Variants in PHIP observed in about 807,000 individuals in gnomAD.
PHIP encodes PHIP subunit of CUL4-Ring ligase complex.
In PHIP, 54 loss-of-function variants were observed where a neutral mutation model predicts 236.8. That is an observed-to-expected ratio of 0.23 (90% CI 0.18 to 0.29). The LOEUF is 0.29. Ranked by LOEUF, PHIP falls within the 10% of genes least tolerant of loss-of-function variation. PHIP has a pLI of 1.00. For missense variants in PHIP, 1,370 were observed against 2,190.8 expected, an observed-to-expected ratio of 0.63 and a Z score of 7.48; for synonymous variants, 756 against 718.9, an observed-to-expected ratio of 1.05 and a Z score of -0.83.
Position 78,939,015 on chromosome 6 carries a change from T to C in PHIP, c.*1678A>G, listed in dbSNP as rs1034477855. The stretch of plus-strand genomic sequence containing the variant: ...CCATCCTCACTTTTTAAAAATGTAG[T>C]ATCTGAAAATTTTGATTACATTTTT... On this transcript the variant is annotated 3_prime_UTR_variant, in exon 40 of 40. Coordinates refer to ENST00000275034, the MANE Select transcript of PHIP (RefSeq NM_017934.7). 4 of 151,774 alleles carry C rather than the reference T, an allele frequency of 2.6e-5. No individual in the cohort carries two copies. The highest frequency in any genetic ancestry group is 1.3e-4 in the Admixed American group (2 of 15,242). The allele number at this position is 151,774 out of a possible 1,614,324, so 9.4% of individuals were successfully genotyped here.
rs562581179 is a variant in PHIP at position 79,077,837 on chromosome 6, C to T, written c.99+18G>A. ...GAGCGGCGAGCGCCGGCCCGGCCCGCGCCGCGCGCCGCCGTACCTGAGCCG... is the reference window on the plus strand; with the variant it reads ...GAGCGGCGAGCGCCGGCCCGGCCCGTGCCGCGCGCCGCCGTACCTGAGCCG... On this transcript the variant is annotated intron_variant, in intron 2 of 39. Transcript: ENST00000275034. 97 of 1,435,206 alleles carry T rather than the reference C, an allele frequency of 6.8e-5. 2 individuals carry two copies. In the South Asian group the frequency reaches 1.2e-3, roughly 18 times the overall value. 88.9% of individuals were successfully genotyped at this position (1,435,206 alleles called of 1,614,324 possible).
rs78962441 is a variant in PHIP at position 79,035,839 on chromosome 6, T to C, written c.600+7004A>G. On this transcript the variant is annotated intron_variant, in intron 7 of 39. Transcript: ENST00000275034. ...TTTCTAGGTCATTTATTTTCTTTCT[T>C]ACCAATCTATCAGACCTGTGTTTCA... is the stretch of plus-strand genomic sequence containing the variant. Among the ~76,000 whole-genome samples the C allele has an allele frequency of 0.02, 3,101 of 152,320 alleles. 475 individuals are homozygous for C. In the East Asian group the frequency reaches 0.41, roughly 20 times the overall value.
At chr6:78,947,470 T>C (rs186723901) in intron 36 of PHIP, among the ~76,000 whole-genome samples, 153 bp downstream of exon 36, 27 of 152,274 alleles carry the variant, frequency 1.8e-4, no homozygotes, top group Admixed American at 1.4e-3. Flanking sequence ...AGGAGCTGAG[T>C]AGAAAGGTAT....
chr6:78,997,879 A>G (rs1582195033), intron 18 of PHIP, among the ~76,000 whole-genome samples: 2 of 152,210 alleles, frequency 1.3e-5, no homozygotes, highest in South Asian at 4.1e-4. Context: ...ATTTTTGAGA[A>G]AACTTCATAA....
In PHIP at chr6:79,068,030, T is replaced by C. The variant is rs188800772; in HGVS notation, c.190-7212A>G. ...TCCCAGCCAAAAAATTTTGCCATTA[T>C]CTCAGTGGAAGGTATTGTTAAAAGG... On this transcript the variant is annotated intron_variant, in intron 4 of 39. Transcript: ENST00000275034. The C allele has an allele frequency of 4.4e-5, 7 of 158,946 alleles. No homozygotes were observed. In the East Asian group the frequency reaches 1.3e-3, roughly 30 times the overall value. 9.8% of individuals were successfully genotyped at this position (158,946 alleles called of 1,614,324 possible).
At chr6:79,057,282 G>A (rs929398951) in intron 6 of PHIP, among the ~76,000 whole-genome samples, 3 of 152,026 alleles carry the variant, frequency 2.0e-5, no homozygotes, top group Non-Finnish European at 4.4e-5. Context: ...ACGGTATCCT[G>A]GACTGGATCC....
chr6:78,965,913 G>C (rs779552675), intron 28 of PHIP, 32 bp downstream of exon 28: 7 of 1,493,280 alleles, frequency 4.7e-6, no homozygotes, highest in Admixed American at 3.3e-5. Context: ...AGCAAGCCTA[G>C]GTGAACTAAA....
chr6:78,999,823 T>C (rs992507268), intron 17 of PHIP, among the ~76,000 whole-genome samples: 2 of 152,014 alleles, frequency 1.3e-5, no homozygotes, highest in Non-Finnish European at 2.9e-5. Flanking sequence ...TAAAATTCAA[T>C]AGGATAAAAT....
At position 78,946,879 on chromosome 6, in the gene PHIP, G is replaced by A. The variant is rs200693117; in HGVS notation, c.4207-5C>T. 768 of 1,533,800 alleles carry A rather than the reference G, an allele frequency of 5.0e-4. 1 individual carries two copies. The highest frequency in any genetic ancestry group is 9.2e-4 in the Admixed American group (38 of 41,428). On this transcript the variant is annotated splice_polypyrimidine_tract_variant and splice_region_variant and intron_variant, in intron 36 of 39. Transcript: ENST00000275034. Reference sequence around the variant, plus strand: ...GCGCAAACTCATGCTGTAAATCTGTGAGGGAAAAAAAAAAGTGTTCAACCA... The same window carrying A: ...GCGCAAACTCATGCTGTAAATCTGTAAGGGAAAAAAAAAAGTGTTCAACCA...
chr6:78,980,068 G>C (rs973963544), intron 23 of PHIP, among the ~76,000 whole-genome samples: 4 of 151,924 alleles, frequency 2.6e-5, no homozygotes, highest in African/African-American at 7.2e-5. Flanking sequence ...CAGAAGCATA[G>C]TACGATCTCA....
At chr6:79,063,148 T>G (rs148611036) in intron 4 of PHIP, among the ~76,000 whole-genome samples, 169 of 152,310 alleles carry the variant, frequency 1.1e-3, no homozygotes, top group African/African-American at 3.8e-3. Flanking sequence ...TGCACTATAC[T>G]AAAATTGCCA....
intron 16 of PHIP, 148 bp from the exon 17 acceptor site, chr6:79,002,272 T>A: frequency 3.4e-6 from 2 of 588,954 alleles, no homozygotes; most frequent in South Asian, 4.5e-5. Flanking sequence ...TTTCCTGAAT[T>A]AATTGTAAAT....
intron 24 of PHIP, among the ~76,000 whole-genome samples, chr6:78,972,432 A>C (rs1767653420): frequency 6.6e-6 from 1 of 152,170 alleles, no homozygotes; most frequent in African/African-American, 2.4e-5. Context: ...TGGGGAAAAA[A>C]CAGAACAGAA....
At chr6:79,047,872 A>T (rs1324101746) in intron 6 of PHIP, among the ~76,000 whole-genome samples, 2 of 152,074 alleles carry the variant, frequency 1.3e-5, no homozygotes, top group Non-Finnish European at 2.9e-5. Flanking sequence ...TATAATACTC[A>T]TTATGAGGTC....
At chr6:78,981,574 T>C (rs572367459) in intron 23 of PHIP, among the ~76,000 whole-genome samples, 1 of 152,076 alleles carries the variant, frequency 6.6e-6, no homozygotes, top group East Asian at 1.9e-4. Flanking sequence ...AAGGAGCCCA[T>C]GGTATTAGTT....
intron 4 of PHIP, among the ~76,000 whole-genome samples, chr6:79,063,633 T>A (rs901858598): frequency 6.6e-6 from 1 of 152,148 alleles, no homozygotes; most frequent in Non-Finnish European, 1.5e-5. Context: ...ACCAGGCTGG[T>A]CTCGAACTTC....
At chr6:79,032,245 G>C (rs961382711) in intron 7 of PHIP, among the ~76,000 whole-genome samples, 1 of 152,212 alleles carries the variant, frequency 6.6e-6, no homozygotes, top group African/African-American at 2.4e-5. Flanking sequence ...GGGTGGAGTT[G>C]CTGAAGGTTG....
chr6:79,000,493 CT>C (rs942036500), intron 17 of PHIP, among the ~76,000 whole-genome samples: 2 of 151,868 alleles, frequency 1.3e-5, no homozygotes, highest in African/African-American at 4.8e-5. Context: ...TATGAAAGCC[CT>C]TTATAAATTG....
intron 9 of PHIP, among the ~76,000 whole-genome samples, chr6:79,022,780 C>G (rs1012083987): frequency 6.6e-6 from 1 of 152,150 alleles, no homozygotes; most frequent in Non-Finnish European, 1.5e-5. Flanking sequence ...CATCTTTGCT[C>G]GTGAGTTGGT....
Sources: gnomAD v4.1 joint callset for allele counts (sites outside exome capture counted in the v4.1 genomes callset) on GRCh38, gnomAD v4.1.1 for gene constraint, MANE v1.5 for transcripts, NCBI Gene and HGNC (gene_info 2026-07-23, HGNC 2026-07-21) for gene names.